DLC1: variants seen among roughly 807,000 people sequenced by gnomAD.
DLC1 encodes the protein rho GTPase-activating protein 7.
DLC1 carries 54 observed loss-of-function variants against 140.3 expected under a neutral mutation model. That is an observed-to-expected ratio of 0.38 (90% CI 0.31 to 0.48). The LOEUF (loss-of-function observed/expected upper bound fraction) is 0.48, where lower values mean the gene tolerates loss of function less well. DLC1 is among the 20% of genes least tolerant of loss of function. DLC1 has a pLI of 0.96. For synonymous variants in DLC1, 986 were observed against 728.1 expected, an observed-to-expected ratio of 1.35 and a Z score of -5.70; for missense variants, 2,536 against 1,907.0, an observed-to-expected ratio of 1.33 and a Z score of -6.14.
At chr8:13,127,139 A>T (rs1279523254) in intron 5 of DLC1, among the ~76,000 whole-genome samples, 1 of 152,230 alleles carries the variant, frequency 6.6e-6, no homozygotes, top group African/African-American at 2.4e-5. Context: ...GTTCTAGGTG[A>T]GCTAAGGAAT....
rs1447197976 is a variant in DLC1 at position 13,233,302 on chromosome 8, A to T, written c.1348+71967T>A. Among the ~76,000 whole-genome samples, 23 of 139,512 alleles carry T rather than the reference A, an allele frequency of 1.6e-4. 1 individual carries two copies. The highest frequency in any genetic ancestry group is 6.0e-4 in the East Asian group (3 of 5,032). The allele number at this position is 139,512 out of a possible 152,430, so 91.5% of individuals were successfully genotyped here. A position where few individuals can be genotyped will look rare whatever the true frequency, so the allele number is the denominator to read the frequency against. On this transcript the variant is annotated intron_variant, in intron 5 of 17. Coordinates refer to ENST00000276297, the MANE Select transcript of DLC1 (RefSeq NM_182643.3). Reference sequence around the variant, plus strand: ...AGAATAAGACTCTGTATAAAAAAAAAAAAAAAAAAAAAAAAAAAAAAAAGA... The same window carrying T: ...AGAATAAGACTCTGTATAAAAAAAATAAAAAAAAAAAAAAAAAAAAAAAGA...
chr8:13,414,805 T>G (rs1837968524), intron 2 of DLC1, among the ~76,000 whole-genome samples: 1 of 152,072 alleles, frequency 6.6e-6, no homozygotes, highest in Non-Finnish European at 1.5e-5. Context: ...TCATTTTTTT[T>G]GAGGTTTTTG....
chr8:13,247,141 A>G (rs1829798461), intron 5 of DLC1, among the ~76,000 whole-genome samples: 1 of 152,234 alleles, frequency 6.6e-6, no homozygotes, highest in African/African-American at 2.4e-5. Flanking sequence ...TATTAGAGAC[A>G]AAAGGCAAAA....
At chr8:13,187,259 T>C (rs1015175795) in intron 5 of DLC1, among the ~76,000 whole-genome samples, 44 of 152,220 alleles carry the variant, frequency 2.9e-4, no homozygotes, top group African/African-American at 1.1e-3. Flanking sequence ...GTAAGGTCTA[T>C]GATAGCAGAC....
intron 1 of DLC1, among the ~76,000 whole-genome samples, chr8:13,586,307 G>A (rs754909064): frequency 8.5e-5 from 13 of 152,140 alleles, no homozygotes; most frequent in Non-Finnish European, 1.6e-4. Context: ...CCAGTAGTAG[G>A]AAAGAAGAAG....
chr8:13,226,772 G>C (rs116522149), intron 5 of DLC1, among the ~76,000 whole-genome samples: 2 of 152,170 alleles, frequency 1.3e-5, no homozygotes, highest in Non-Finnish European at 2.9e-5. Flanking sequence ...ACACATCACT[G>C]TAAGTTCCAT....
intron 1 of DLC1, among the ~76,000 whole-genome samples, chr8:13,522,252 C>T (rs1466579615): frequency 2.0e-5 from 3 of 152,020 alleles, no homozygotes; most frequent in Non-Finnish European, 1.5e-5. Flanking sequence ...TGGGATGCCT[C>T]GTTAAATACA....
chr8:13,430,666 G>C (rs1838823681), intron 2 of DLC1, among the ~76,000 whole-genome samples: 1 of 152,180 alleles, frequency 6.6e-6, no homozygotes, highest in African/African-American at 2.4e-5. Flanking sequence ...TACCTGAAAA[G>C]TGTTGCTTTA....
intron 1 of DLC1, among the ~76,000 whole-genome samples, chr8:13,576,077 G>T (rs909227327): frequency 3.3e-5 from 5 of 152,190 alleles, no homozygotes; most frequent in African/African-American, 9.7e-5. Context: ...AGTGCCTAAA[G>T]TTCAGCTAAA....
At chr8:13,563,122 T>C (rs2117386088) in intron 1 of DLC1, among the ~76,000 whole-genome samples, 1 of 152,300 alleles carries the variant, frequency 6.6e-6, no homozygotes. Flanking sequence ...TACTTTTTCA[T>C]TTATAAAAAT....
chr8:13,445,241 G>A (rs1798724393), intron 2 of DLC1, among the ~76,000 whole-genome samples: 1 of 152,206 alleles, frequency 6.6e-6, no homozygotes, highest in South Asian at 2.1e-4. Flanking sequence ...AAGTCAGTGG[G>A]CAGTTGGCCA....
intron 2 of DLC1, among the ~76,000 whole-genome samples, chr8:13,481,745 C>A (rs561585215): frequency 6.6e-6 from 1 of 152,268 alleles, no homozygotes; most frequent in Non-Finnish European, 1.5e-5. Flanking sequence ...CAGTACCTCA[C>A]AATGTGACTT....
At chr8:13,465,868 C>G (rs574639264) in intron 2 of DLC1, among the ~76,000 whole-genome samples, 3 of 152,246 alleles carry the variant, frequency 2.0e-5, no homozygotes, top group Non-Finnish European at 2.9e-5. Context: ...GGTTCTCATA[C>G]CAGAACCAGG....
At chr8:13,163,791 A>G (rs1213331145) in intron 5 of DLC1, among the ~76,000 whole-genome samples, 2 of 151,670 alleles carry the variant, frequency 1.3e-5, no homozygotes, top group Non-Finnish European at 2.9e-5. Flanking sequence ...ACACAGTGAG[A>G]CCTCTATGTC....
intron 4 of DLC1, among the ~76,000 whole-genome samples, chr8:13,307,790 A>C (rs1343402723): frequency 6.6e-6 from 1 of 152,210 alleles, no homozygotes; most frequent in East Asian, 1.9e-4. Flanking sequence ...ACCCTGTAAA[A>C]TCCTGGAAGG....
rs1273409020 is a variant in DLC1, at chr8:13,497,460, C to A, written c.1023+1589G>T. On this transcript the variant is annotated intron_variant, in intron 2 of 17. Transcript: ENST00000276297. Reference sequence around the variant, plus strand: ...GCAATGTCACAACACTTTAGAATGACAGAATGCTTAAAATAGAAAATTTAA... The same window carrying A: ...GCAATGTCACAACACTTTAGAATGAAAGAATGCTTAAAATAGAAAATTTAA... Among the ~76,000 whole-genome samples, 4 of 152,140 alleles carry A rather than the reference C, an allele frequency of 2.6e-5. 1 individual carries two copies. Among genetic ancestry groups the A allele is most frequent in the African/African-American group, 9.7e-5 (4 of 41,428 alleles).
intron 5 of DLC1, among the ~76,000 whole-genome samples, chr8:13,200,809 G>C (rs1827339446): frequency 6.6e-6 from 1 of 152,068 alleles, no homozygotes; most frequent in Admixed American, 6.6e-5. Flanking sequence ...TGCTGCCCAG[G>C]CTGGTCCGGA....
chr8:13,092,433 T>G (rs920078727), intron 13 of DLC1, among the ~76,000 whole-genome samples, 179 bp downstream of exon 13: 3 of 152,184 alleles, frequency 2.0e-5, no homozygotes. Flanking sequence ...TATTTTCTCA[T>G]GCACGCCAAC....
At chr8:13,421,987 G>A (rs185263501) in intron 2 of DLC1, among the ~76,000 whole-genome samples, 55 of 152,104 alleles carry the variant, frequency 3.6e-4, no homozygotes, top group Middle Eastern at 3.4e-3. Context: ...ACTAATATTC[G>A]AGTCTTCTGT....
Sources: allele counts gnomAD v4.1 joint callset (sites outside exome capture counted in the v4.1 genomes callset), GRCh38; gene constraint gnomAD v4.1.1; transcripts MANE v1.5; gene names NCBI Gene and HGNC (gene_info 2026-07-23, HGNC 2026-07-21).